The following BTBD9 variants were observed in gnomAD, a reference collection of about 807,000 sequenced individuals.
The protein encoded by BTBD9 is BTB domain containing 9.
BTBD9 carries 49 observed loss-of-function variants against 64.3 expected under a neutral mutation model. The observed-to-expected ratio is 0.76, with a 90% CI of 0.61 to 0.97. The LOEUF (loss-of-function observed/expected upper bound fraction) is 0.97, where lower values mean the gene tolerates loss of function less well. BTBD9 is among the 50% of genes least tolerant of loss of function. The pLI is 0.00. For missense variants in BTBD9, 598 were observed against 762.1 expected, an observed-to-expected ratio of 0.78 and a Z score of 2.53; for synonymous variants, 260 against 274.7, an observed-to-expected ratio of 0.95 and a Z score of 0.53.
At chr6:38,497,898 C>A (rs983624108) in intron 6 of BTBD9, among the ~76,000 whole-genome samples, 1 of 152,144 alleles carries the variant, frequency 6.6e-6, no homozygotes, top group African/African-American at 2.4e-5. Flanking sequence ...AAACTGCAAG[C>A]AACCCACTGA....
At chr6:38,506,624 G>C (rs1772530453) in intron 6 of BTBD9, among the ~76,000 whole-genome samples, 2 of 152,156 alleles carry the variant, frequency 1.3e-5, no homozygotes, top group Admixed American at 1.3e-4. Flanking sequence ...TTGTAAACTG[G>C]AGACTATCTG....
rs916911435 is a variant in BTBD9, at chr6:38,639,820, A to C, written c.-48T>G. The C allele has an allele frequency of 6.6e-6, 1 of 151,982 alleles. No individual in the cohort carries two copies. The highest frequency in any genetic ancestry group is 1.5e-5 in the Non-Finnish European group (1 of 68,088). The allele number at this position is 151,982 out of a possible 1,614,324, so 9.4% of individuals were successfully genotyped here. A position where few individuals can be genotyped will look rare whatever the true frequency, so the allele number is the denominator to read the frequency against. On this transcript the variant is annotated 5_prime_UTR_variant, in exon 1 of 11. Coordinates refer to ENST00000481247, the MANE Select transcript of BTBD9 (RefSeq NM_001099272.2). ...CTCACCCCAGCGATGCTCCTCTGAG[A>C]CCAAGCTGCGACACAGACGCCTCTT...
At chr6:38,618,982 C>T (rs929575937) in intron 1 of BTBD9, among the ~76,000 whole-genome samples, 14 of 152,092 alleles carry the variant, frequency 9.2e-5, no homozygotes, top group East Asian at 3.8e-4. Flanking sequence ...GGACTGGAGT[C>T]GCAAACATCT....
At chr6:38,570,344 T>C (rs12154188) in intron 6 of BTBD9, among the ~76,000 whole-genome samples, 27,659 of 152,184 alleles carry the variant, frequency 0.18, 3,210 homozygotes, top group Non-Finnish European at 0.27. Flanking sequence ...GCATCAGCAA[T>C]GTAATGTGGA....
chr6:38,631,124 G>A (rs1778345466), intron 1 of BTBD9, among the ~76,000 whole-genome samples: 1 of 152,252 alleles, frequency 6.6e-6, no homozygotes, highest in African/African-American at 2.4e-5. Context: ...CATTCTGGCT[G>A]CATTAGTACT....
intron 6 of BTBD9, among the ~76,000 whole-genome samples, chr6:38,486,686 C>T (rs1027098355): frequency 1.3e-5 from 2 of 152,132 alleles, no homozygotes; most frequent in Non-Finnish European, 2.9e-5. Context: ...TCATCGATTA[C>T]AGATCACTAC....
At chr6:38,599,005 C>A (rs1171907835) in intron 1 of BTBD9, among the ~76,000 whole-genome samples, 21 of 152,128 alleles carry the variant, frequency 1.4e-4, no homozygotes, top group Admixed American at 1.4e-3. Context: ...ATCCTAAGCT[C>A]CCCACATCCA....
intron 1 of BTBD9, among the ~76,000 whole-genome samples, chr6:38,631,330 C>T (rs576380100): frequency 2.0e-5 from 3 of 152,210 alleles, no homozygotes; most frequent in African/African-American, 4.8e-5. Flanking sequence ...AATGGCTTCA[C>T]GGGAAAAAGG....
intron 6 of BTBD9, among the ~76,000 whole-genome samples, chr6:38,567,627 A>T (rs1276083366): frequency 6.6e-6 from 1 of 152,162 alleles, no homozygotes; most frequent in East Asian, 1.9e-4. Context: ...TTTTTAGAAG[A>T]TGAACCAGGC....
In BTBD9 at chr6:38,626,530, C is replaced by T. The variant is rs574494668; in HGVS notation, c.-28+13270G>A. Reference sequence around the variant, plus strand: ...TTGGACCCAGAGCACCTAATATTACCTAGCAAGAGGTCAACACATGTTTGC... The same window carrying T: ...TTGGACCCAGAGCACCTAATATTACTTAGCAAGAGGTCAACACATGTTTGC... On this transcript the variant is annotated intron_variant, in intron 1 of 10. Coordinates refer to ENST00000481247, the MANE Select transcript of BTBD9 (RefSeq NM_001099272.2). Among the ~76,000 whole-genome samples the T allele has an allele frequency of 2.6e-5, 4 of 152,242 alleles. No homozygotes were observed. In the South Asian group the frequency reaches 8.3e-4, roughly 32 times the overall value.
At chr6:38,595,188 A>G (rs16890840) in intron 2 of BTBD9, among the ~76,000 whole-genome samples, 8,703 of 152,332 alleles carry the variant, frequency 0.057, 408 homozygotes, top group East Asian at 0.25. Context: ...ATATGTCTAC[A>G]TCGGTATTTC....
At chr6:38,283,650 A>G (rs1271390181) in intron 8 of BTBD9, among the ~76,000 whole-genome samples, 1 of 152,214 alleles carries the variant, frequency 6.6e-6, no homozygotes, top group Non-Finnish European at 1.5e-5. Flanking sequence ...CCAAATATAA[A>G]GGAATCTGAA....
intron 1 of BTBD9, among the ~76,000 whole-genome samples, chr6:38,610,510 G>A (rs1451776517): frequency 6.6e-6 from 1 of 152,194 alleles, no homozygotes; most frequent in Non-Finnish European, 1.5e-5. Flanking sequence ...AGTAGCAACA[G>A]AGAAGAGACA....
intron 7 of BTBD9, among the ~76,000 whole-genome samples, chr6:38,312,285 G>A (rs373332234): frequency 3.9e-5 from 6 of 152,226 alleles, no homozygotes; most frequent in African/African-American, 1.4e-4. Context: ...AGTTGTTTGA[G>A]TTCCTTATAT....
intron 6 of BTBD9, among the ~76,000 whole-genome samples, chr6:38,451,230 A>G (rs1420111099): frequency 2.6e-5 from 4 of 152,182 alleles, no homozygotes; most frequent in African/African-American, 9.6e-5. Context: ...CTCATTCCCC[A>G]TTTTATTCTC....
At chr6:38,285,662 C>T (rs1434528773) in intron 8 of BTBD9, among the ~76,000 whole-genome samples, 8 of 152,050 alleles carry the variant, frequency 5.3e-5, no homozygotes, top group African/African-American at 1.9e-4. Flanking sequence ...AATGTCAGAA[C>T]AAACATAATA....
intron 7 of BTBD9, among the ~76,000 whole-genome samples, chr6:38,341,588 G>A (rs1178993003): frequency 6.6e-6 from 1 of 152,190 alleles, no homozygotes; most frequent in African/African-American, 2.4e-5. Context: ...GAAAAACTTG[G>A]CAAATACTAT....
At chr6:38,317,065 G>A (rs953139392) in intron 7 of BTBD9, among the ~76,000 whole-genome samples, 14 of 150,636 alleles carry the variant, frequency 9.3e-5, no homozygotes, top group Middle Eastern at 3.2e-3. Context: ...GTGTGATCTC[G>A]GCTCACTGCA....
intron 6 of BTBD9, among the ~76,000 whole-genome samples, chr6:38,469,226 TAA>T (rs773992372): frequency 6.6e-6 from 1 of 151,572 alleles, no homozygotes; most frequent in Admixed American, 6.6e-5. Flanking sequence ...CAGCTCCAAA[TAA>T]AAGTGTCTAG....
Sources: gnomAD v4.1 joint callset for allele counts (sites outside exome capture counted in the v4.1 genomes callset) on GRCh38, gnomAD v4.1.1 for gene constraint, MANE v1.5 for transcripts, NCBI Gene and HGNC (gene_info 2026-07-23, HGNC 2026-07-21) for gene names.